The following ADK variants were observed in gnomAD, a reference collection of about 807,000 sequenced individuals.
The protein encoded by ADK is N6,N6-dimethyladenosine kinase.
A neutral mutation model predicts 44.7 loss-of-function variants in ADK; 24 were observed. The ratio of observed to expected loss-of-function variants is 0.54; its 90% CI spans 0.39 to 0.76. The LOEUF (loss-of-function observed/expected upper bound fraction) is 0.76. Among genes scored for constraint, ADK ranks in the 30% least tolerant of loss-of-function variants. The probability of loss-of-function intolerance (pLI) is 0.00; values close to 1 mark genes in which losing one functional copy is unlikely to be tolerated. For missense variants in ADK, 321 were observed against 425.1 expected (o/e 0.76, Z 2.15); for synonymous variants, 128 against 142.6 (o/e 0.90, Z 0.73).
chr10:74,662,926 A>G (rs935863173), intron 9 of ADK, among the ~76,000 whole-genome samples: 3 of 152,016 alleles, frequency 2.0e-5, no homozygotes, highest in Non-Finnish European at 4.4e-5. Context: ...TCTGTATGGC[A>G]CCTATTAATA....
At chr10:74,278,973 T>G (rs1394699176) in intron 3 of ADK, among the ~76,000 whole-genome samples, 2 of 152,214 alleles carry the variant, frequency 1.3e-5, no homozygotes, top group African/African-American at 4.8e-5. Flanking sequence ...CCTCTTGTTC[T>G]TGGCTTCATA....
At chr10:74,209,634 G>C (rs1843734884) in intron 2 of ADK, among the ~76,000 whole-genome samples, 1 of 150,176 alleles carries the variant, frequency 6.7e-6, no homozygotes, top group African/African-American at 2.5e-5. Flanking sequence ...TTTTTTTAGA[G>C]ACAAGTTTTT....
intron 6 of ADK, among the ~76,000 whole-genome samples, chr10:74,429,313 C>A (rs1844900934): frequency 6.6e-6 from 1 of 152,148 alleles, no homozygotes; most frequent in Non-Finnish European, 1.5e-5. Flanking sequence ...ATGTCTCTTA[C>A]AACATTAAAT....
intron 10 of ADK, among the ~76,000 whole-genome samples, chr10:74,675,676 C>T (rs781398348): frequency 9.9e-5 from 15 of 152,128 alleles, no homozygotes; most frequent in Admixed American, 3.9e-4. Context: ...ATTTGGAACC[C>T]TCTTTGTCAC....
chr10:74,213,241 G>A (rs1456292997), intron 2 of ADK, among the ~76,000 whole-genome samples: 1 of 152,044 alleles, frequency 6.6e-6, no homozygotes. Context: ...GAGTAGCTGG[G>A]ACTACAGGCA....
intron 6 of ADK, among the ~76,000 whole-genome samples, chr10:74,432,174 A>C (rs1175303128): frequency 6.6e-6 from 1 of 152,186 alleles, no homozygotes; most frequent in Non-Finnish European, 1.5e-5. Flanking sequence ...AGCCTGAGCA[A>C]CAGAATTTTT....
intron 7 of ADK, among the ~76,000 whole-genome samples, chr10:74,580,687 C>A (rs1851344733): frequency 6.6e-6 from 1 of 152,052 alleles, no homozygotes; most frequent in South Asian, 2.1e-4. Context: ...GTGAGGCTTC[C>A]CCAGCCACAT....
intron 1 of ADK, among the ~76,000 whole-genome samples, chr10:74,186,598 C>G (rs1266581308): frequency 6.6e-6 from 1 of 152,154 alleles, no homozygotes; most frequent in African/African-American, 2.4e-5. Context: ...GCCACTGTGC[C>G]TGATCCAGCC....
intron 6 of ADK, among the ~76,000 whole-genome samples, chr10:74,489,849 CATTA>C (rs1847413425): frequency 6.6e-6 from 1 of 151,772 alleles, no homozygotes; most frequent in Admixed American, 6.6e-5. Flanking sequence ...TTCCTGAAAT[CATTA>C]AATGTCCATG....
intron 7 of ADK, among the ~76,000 whole-genome samples, chr10:74,587,528 G>A (rs1160308491): frequency 1.3e-5 from 2 of 152,148 alleles, no homozygotes; most frequent in African/African-American, 2.4e-5. Context: ...GTGCATACAT[G>A]TATTTTTTTC....
At chr10:74,171,630 G>A (rs1010052349) in intron 1 of ADK, among the ~76,000 whole-genome samples, 6 of 152,144 alleles carry the variant, frequency 3.9e-5, no homozygotes, top group African/African-American at 1.4e-4. Context: ...TATTCTAATT[G>A]TAAAAAGACT....
intron 10 of ADK, among the ~76,000 whole-genome samples, chr10:74,707,836 A>T (rs902022703): frequency 3.3e-5 from 5 of 151,612 alleles, no homozygotes; most frequent in African/African-American, 1.2e-4. Context: ...AGCTCTTTAG[A>T]ATAAATATTA....
intron 7 of ADK, among the ~76,000 whole-genome samples, chr10:74,573,934 G>A (rs1851073113): frequency 6.6e-6 from 1 of 152,178 alleles, no homozygotes. Flanking sequence ...CTAGGAAAGG[G>A]AACTCCCTGA....
intron 3 of ADK, among the ~76,000 whole-genome samples, chr10:74,278,755 C>T (rs957722705): frequency 6.6e-6 from 1 of 152,142 alleles, no homozygotes; most frequent in Non-Finnish European, 1.5e-5. Flanking sequence ...ACACTACATC[C>T]TCTAACTTGT....
chr10:74,303,628 G>T (rs1270981045), intron 3 of ADK, among the ~76,000 whole-genome samples: 2 of 80,916 alleles, frequency 2.5e-5, no homozygotes, highest in African/African-American at 7.4e-5. Context: ...AGAAAGGCAT[G>T]CACAAGATAA....
rs1210552347 is a variant in ADK, at chr10:74,224,608, A to G, written c.194+17A>G. 2.5e-6 allele frequency: 4 copies of G among 1,607,422 alleles called. No homozygotes were observed. The highest frequency in any genetic ancestry group is 1.3e-5 in the African/African-American group (1 of 74,910). On this transcript the variant is annotated intron_variant, in intron 3 of 10. Transcript: ENST00000539909. ...CAAGGAACTGTAAGTGCATTAAACC[A>G]TTGGTTGTAAATAGTTTACTCTGTC...
chr10:74,274,713 G>T (rs955827038), intron 3 of ADK, among the ~76,000 whole-genome samples: 3 of 79,986 alleles, frequency 3.8e-5, no homozygotes, highest in Non-Finnish European at 8.8e-5. Context: ...TGATTAGTAG[G>T]AGAAAAATTT....
intron 3 of ADK, among the ~76,000 whole-genome samples, chr10:74,280,189 C>T (rs1846871447): frequency 6.6e-6 from 1 of 151,944 alleles, no homozygotes; most frequent in Admixed American, 6.6e-5. Flanking sequence ...TCACTGCAAC[C>T]TCCACCTTCC....
chr10:74,557,485 A>G (rs1850301861), intron 7 of ADK, among the ~76,000 whole-genome samples: 1 of 152,224 alleles, frequency 6.6e-6, no homozygotes, highest in Admixed American at 6.5e-5. Context: ...TCTGGACATC[A>G]TAGAAACAGA....
Sources: gnomAD v4.1 joint callset for allele counts (sites outside exome capture counted in the v4.1 genomes callset) on GRCh38, gnomAD v4.1.1 for gene constraint, MANE v1.5 for transcripts, NCBI Gene and HGNC (gene_info 2026-07-23, HGNC 2026-07-21) for gene names.